Variants in FAR1 observed in about 807,000 individuals in gnomAD.
FAR1 encodes the protein male sterility domain-containing protein 2.
In FAR1, 22 loss-of-function variants were observed where a neutral mutation model predicts 61.1. The ratio of observed to expected loss-of-function variants is 0.36; its 90% CI spans 0.26 to 0.51. The LOEUF is 0.51. FAR1 is among the 20% of genes least tolerant of loss of function. The pLI is 0.95. For synonymous variants in FAR1, 206 were observed against 209.7 expected, an observed-to-expected ratio of 0.98 and a Z score of 0.15; for missense variants, 359 against 626.9, an observed-to-expected ratio of 0.57 and a Z score of 4.56.
intron 1 of FAR1, among the ~76,000 whole-genome samples, chr11:13,693,311 A>G (rs1399575854): frequency 6.6e-6 from 1 of 152,254 alleles, no homozygotes; most frequent in Admixed American, 6.5e-5. Context: ...GGCCGGCAGC[A>G]GAGGCTGAGG....
At chr11:13,705,634 T>C (rs907922423) in intron 3 of FAR1, among the ~76,000 whole-genome samples, 2 of 152,140 alleles carry the variant, frequency 1.3e-5, no homozygotes, top group African/African-American at 2.4e-5. Flanking sequence ...GTCTTTCTTG[T>C]TGGATTTTCA....
rs560199745 is a variant in FAR1 at position 13,731,093 on chromosome 11, T to A, written c.*2319T>A. On this transcript the variant is annotated 3_prime_UTR_variant, in exon 12 of 12. Transcript: ENST00000354817. ...TGTTTCTTATTTCACTTAACTCATT[T>A]GATTAAACTGTATTCTAAAACATTT... The A allele has an allele frequency of 2.0e-5, 3 of 152,516 alleles. No homozygotes were observed. Among genetic ancestry groups the A allele is most frequent in the Admixed American group, 2.0e-4 (3 of 15,288 alleles). The allele number at this position is 152,516 out of a possible 1,614,324, so 9.4% of individuals were successfully genotyped here.
intron 4 of FAR1, among the ~76,000 whole-genome samples, chr11:13,709,928 C>A (rs17535061): frequency 0.048 from 7,331 of 152,072 alleles, 206 homozygotes; most frequent in South Asian, 0.088. Context: ...TAGGAAAAAC[C>A]ATGGACACCA....
chr11:13,695,658 G>A (rs941007537), intron 2 of FAR1, among the ~76,000 whole-genome samples: 4 of 152,100 alleles, frequency 2.6e-5, no homozygotes, highest in African/African-American at 9.7e-5. Flanking sequence ...TTCAAGTAGA[G>A]CATTTATTTT....
chr11:13,682,487 A>T (rs1262577224), intron 1 of FAR1, among the ~76,000 whole-genome samples: 2 of 152,126 alleles, frequency 1.3e-5, no homozygotes, highest in African/African-American at 4.8e-5. Flanking sequence ...CAGAGCTGAG[A>T]AGTTGTTGCT....
intron 1 of FAR1, among the ~76,000 whole-genome samples, chr11:13,691,938 T>C (rs1848254617): frequency 1.3e-5 from 2 of 152,068 alleles, no homozygotes; most frequent in Admixed American, 6.6e-5. Flanking sequence ...GAGGCCAAAG[T>C]GGGTGGATCA....
intron 1 of FAR1, among the ~76,000 whole-genome samples, chr11:13,684,457 T>C (rs1848164348): frequency 6.6e-6 from 1 of 152,232 alleles, no homozygotes; most frequent in Non-Finnish European, 1.5e-5. Flanking sequence ...GTCTTTTGTG[T>C]TTATTTTCAC....
intron 1 of FAR1, among the ~76,000 whole-genome samples, chr11:13,681,443 T>C (rs2134170605): frequency 6.6e-6 from 1 of 152,326 alleles, no homozygotes; most frequent in South Asian, 2.1e-4. Context: ...TGTTCTCTCA[T>C]TCTGAGGTGG....
intron 10 of FAR1, among the ~76,000 whole-genome samples, chr11:13,725,443 T>TA (rs36122577): frequency 0.012 from 1,596 of 137,258 alleles, 16 homozygotes; most frequent in African/African-American, 0.026. Context: ...TTAAAAATAG[T>TA]AAAAAAAAAA....
intron 4 of FAR1, 100 bp from the exon 5 acceptor site, chr11:13,710,593 A>C: frequency 1.0e-6 from 1 of 984,306 alleles, no homozygotes; most frequent in Non-Finnish European, 1.4e-6. Context: ...GATTTGAGTC[A>C]GAACAGCAGA....
intron 9 of FAR1, among the ~76,000 whole-genome samples, chr11:13,715,516 T>C (rs988713980): frequency 6.6e-6 from 1 of 152,172 alleles, no homozygotes; most frequent in Non-Finnish European, 1.5e-5. Context: ...GTGAAAAATA[T>C]AGGATGCTTC....
At position 13,694,789 on chromosome 11, in the gene FAR1, T is replaced by C. The variant is rs760799339; in HGVS notation, c.24T>C (p.Tyr8=). 2.5e-6 allele frequency: 4 copies of C among 1,613,398 alleles called. No individual in the cohort carries two copies. In the Admixed American group the frequency reaches 5.0e-5, roughly 20 times the overall value. MVSIPEY[Y]EGKNVLLTGA... ...AAATGGTTTCAATCCCAGAATACTA[T>C]GAAGGCAAGAACGTCCTCCTCACAG... is the stretch of plus-strand genomic sequence containing the variant. Residue 8 remains tyrosine (Y), a synonymous_variant, in exon 2 of 12, where the codon TAT becomes TAC. Coordinates refer to ENST00000354817, the MANE Select transcript of FAR1 (RefSeq NM_032228.6).
intron 4 of FAR1, among the ~76,000 whole-genome samples, chr11:13,708,779 A>G (rs190170783): frequency 1.8e-3 from 277 of 152,256 alleles, no homozygotes; most frequent in South Asian, 4.1e-3. Flanking sequence ...GAGTATATAT[A>G]TAGAGGGGCC....
At chr11:13,705,361 A>C (rs1848420988) in intron 3 of FAR1, among the ~76,000 whole-genome samples, 1 of 152,056 alleles carries the variant, frequency 6.6e-6, no homozygotes, top group African/African-American at 2.4e-5. Context: ...GATGTTACTC[A>C]CTTGGGTGCA....
At chr11:13,692,460 C>T (rs965767581) in intron 1 of FAR1, among the ~76,000 whole-genome samples, 3 of 152,082 alleles carry the variant, frequency 2.0e-5, no homozygotes, top group African/African-American at 7.2e-5. Flanking sequence ...AACTGCCAAA[C>T]GTTTTTCCAC....
At chr11:13,718,779 T>A (rs1158040636) in intron 9 of FAR1, among the ~76,000 whole-genome samples, 2 of 152,070 alleles carry the variant, frequency 1.3e-5, no homozygotes, top group Non-Finnish European at 2.9e-5. Flanking sequence ...CAAATGATTG[T>A]AGTCAGACAG....
At chr11:13,717,512 TTC>T (rs1848569072) in intron 9 of FAR1, among the ~76,000 whole-genome samples, 1 of 152,222 alleles carries the variant, frequency 6.6e-6, no homozygotes, top group African/African-American at 2.4e-5. Context: ...TCTCTGGGAG[TTC>T]TCTGAGGTTC....
intron 1 of FAR1, among the ~76,000 whole-genome samples, chr11:13,682,080 T>C (rs189395793): frequency 2.6e-5 from 4 of 152,202 alleles, no homozygotes; most frequent in Admixed American, 6.5e-5. Context: ...TTTAAAAATA[T>C]ATATCTTGAA....
chr11:13,699,397 T>C (rs558181289), intron 2 of FAR1, among the ~76,000 whole-genome samples: 1 of 152,324 alleles, frequency 6.6e-6, no homozygotes, highest in South Asian at 2.1e-4. Context: ...GTGCTAGCAG[T>C]GGAAGTAGCA....
Sources: allele counts gnomAD v4.1 joint callset (sites outside exome capture counted in the v4.1 genomes callset), GRCh38; gene constraint gnomAD v4.1.1; transcripts MANE v1.5; gene names NCBI Gene and HGNC (gene_info 2026-07-23, HGNC 2026-07-21).